Variants in MKI67 observed in about 807,000 individuals in gnomAD.
MKI67 encodes proliferation marker protein Ki-67.
MKI67 carries 152 observed loss-of-function variants against 233.5 expected under a neutral mutation model. That is an observed-to-expected ratio of 0.65 (90% CI 0.57 to 0.74). MKI67 has a LOEUF of 0.74. Ranked by LOEUF, MKI67 falls within the 30% of genes least tolerant of loss-of-function variation. The pLI is 0.00. For missense variants in MKI67, 3,940 were observed against 3,885.2 expected, an observed-to-expected ratio of 1.01 and a Z score of -0.37; for synonymous variants, 1,465 against 1,418.5, an observed-to-expected ratio of 1.03 and a Z score of -0.74.
Position 128,115,890 on chromosome 10 carries a change from T to C in MKI67, c.518A>G (p.Asp173Gly). 6.2e-7 allele frequency: 1 copy of C among 1,609,888 alleles called. No homozygotes were observed. Among genetic ancestry groups the C allele is most frequent in the Non-Finnish European group, 8.5e-7 (1 of 1,180,022 alleles). The change falls in exon 7 of 15, where the codon GAC (aspartate) becomes GGC (glycine). Residue 173 changes from aspartate (D) to glycine (G), a missense_variant. Coordinates refer to ENST00000368654, the MANE Select transcript of MKI67 (RefSeq NM_002417.5). ...KEDSTADDSKDSVAQGTTNVH... is the reference protein window; with the variant it reads ...KEDSTADDSKGSVAQGTTNVH... ...ATTAGTTGTTCCCTGAGCAACACTG[T>C]CTTTTGAGTCATCTGCGGTACTGTC...
In MKI67 at chr10:128,106,862, T is replaced by C; in HGVS notation, c.4978A>G (p.Thr1660Ala). The C allele has an allele frequency of 1.9e-6, 3 of 1,614,160 alleles. No individual in the cohort carries two copies. Among genetic ancestry groups the C allele is most frequent in the Non-Finnish European group, 2.5e-6 (3 of 1,180,006 alleles). Residue 1660 changes from threonine to alanine, a missense_variant, in exon 13 of 15, where the codon ACA becomes GCA. Transcript: ENST00000368654. ...CCTGTTGGCTCTGTGTGTGTGTGTG[T>C]AGTCTCTCCTGATGTCTGTGTGAGC... ...GKLTQTSGET[T>A]HTHTEPTGDG...
At chr10:128,113,709 A>G in intron 7 of MKI67, 107 bp from the exon 8 acceptor site, 1 of 965,118 alleles carries the variant, frequency 1.0e-6, no homozygotes, top group South Asian at 1.5e-5. Context: ...AGTCATCGAA[A>G]CACAGTACCT....
rs905895703 is a variant in MKI67, at chr10:128,108,908, C to A, written c.2932G>T (p.Asp978Tyr). The change falls in exon 13 of 15, where the codon GAC becomes TAC. Residue 978 changes from aspartate to tyrosine, a missense_variant. Asp to Tyr is a radical substitution (Grantham distance 160). Coordinates refer to ENST00000368654, the MANE Select transcript of MKI67 (RefSeq NM_002417.5). ...AGGAGATTCTGGCCACGTGCCGTGTCTTTCATGAGTTCTGTATCAGGCAAG... is the reference window on the plus strand; with the variant it reads ...AGGAGATTCTGGCCACGTGCCGTGTATTTCATGAGTTCTGTATCAGGCAAG... ...KSLPDTELMKDTARGQNLLQT... is the reference protein window; with the variant it reads ...KSLPDTELMKYTARGQNLLQT... 6.2e-7 allele frequency: 1 copy of A among 1,614,198 alleles called. No homozygotes were observed. The highest frequency in any genetic ancestry group is 8.5e-7 in the Non-Finnish European group (1 of 1,180,046).
rs1482731246 is a variant in MKI67 at position 128,103,637 on chromosome 10, CTTTTACT to C, written c.8196_8202del (p.Val2733LysfsTer32). The C allele has an allele frequency of 1.2e-6, 2 of 1,614,156 alleles. No homozygotes were observed. On this transcript the variant is annotated frameshift_variant, in exon 13 of 15. Transcript: ENST00000368654. LOFTEE classifies it high-confidence loss of function. ...GTGAACTTGACTGCTGAAGGCTCTT[CTTTTACT>C]TGTACCTTCTGCACACGTGTCCTGA...
intron 7 of MKI67, among the ~76,000 whole-genome samples, chr10:128,114,312 T>C (rs2136144318): frequency 6.6e-6 from 1 of 152,326 alleles, no homozygotes. Context: ...GTCCTACCTC[T>C]GCCACTTCCT....
At chr10:128,116,127 T>C (rs1852802478) in intron 6 of MKI67, 120 bp from the exon 7 acceptor site, 3 of 1,159,922 alleles carry the variant, frequency 2.6e-6, no homozygotes, top group South Asian at 3.2e-5. Context: ...TTACTTGGCC[T>C]ACAAATTATT....
intron 5 of MKI67, among the ~76,000 whole-genome samples, chr10:128,118,383 G>C (rs184865596): frequency 6.9e-5 from 10 of 144,280 alleles, no homozygotes; most frequent in Admixed American, 4.2e-4. Context: ...GTGACGGAGT[G>C]AGACTCCGTC....
At chr10:128,117,901 GAACA>G (rs1222197803) in intron 5 of MKI67, among the ~76,000 whole-genome samples, 1 of 152,192 alleles carries the variant, frequency 6.6e-6, no homozygotes, top group East Asian at 1.9e-4. Flanking sequence ...ACCAGTAACA[GAACA>G]AACAGTTCCT....
rs1225324359 is a variant in MKI67, at chr10:128,105,522, T to A, written c.6318A>T (p.Pro2106=). Residue 2106 remains proline, a synonymous_variant, in exon 13 of 15, where the codon CCA becomes CCT. Coordinates refer to ENST00000368654, the MANE Select transcript of MKI67 (RefSeq NM_002417.5). ...DKTTKIACKS[P]PPESMDTPTS... ...TTGGAGTGTCCATTGATTCTGGTGG[T>A]GGAGATTTGCAGGCTATTTTGGTAG... 1 of 1,614,032 alleles carries A rather than the reference T, an allele frequency of 6.2e-7. No homozygotes were observed. Among genetic ancestry groups the A allele is most frequent in the Admixed American group, 1.7e-5 (1 of 60,004 alleles).
At position 128,109,058 on chromosome 10, in the gene MKI67, G is replaced by A. The variant is rs1301902155; in HGVS notation, c.2782C>T (p.Pro928Ser). 8 of 1,613,986 alleles carry A rather than the reference G, an allele frequency of 5.0e-6. No individual in the cohort carries two copies. In the African/African-American group the frequency reaches 8.0e-5, roughly 16 times the overall value. The change falls in exon 13 of 15, where the codon CCT becomes TCT. Residue 928 changes from proline (P) to serine (S), a missense_variant. Coordinates refer to ENST00000368654, the MANE Select transcript of MKI67 (RefSeq NM_002417.5). ...REGEMKEIER[P>S]FETYKENIEL... ...ATATTTTCCTTATATGTCTCAAAAG[G>A]TCTTTCTATTTCCTTCATCTCTCCT...
At position 128,125,465 on chromosome 10, in the gene MKI67, G is replaced by T; in HGVS notation, c.92+111C>A. 1.2e-6 allele frequency: 1 copy of T among 828,724 alleles called. No homozygotes were observed. The highest frequency in any genetic ancestry group is 2.0e-6 in the Non-Finnish European group (1 of 490,636). 51.3% of individuals were successfully genotyped at this position (828,724 alleles called of 1,614,324 possible). Reference sequence around the variant, plus strand: ...AGTAACGAATGGGAGAAGCACCAAGGAAAAGTGACGGCAGGACCCAATCCT... The same window carrying T: ...AGTAACGAATGGGAGAAGCACCAAGTAAAAGTGACGGCAGGACCCAATCCT... On this transcript the variant is annotated intron_variant, in intron 2 of 14. Coordinates refer to ENST00000368654, the MANE Select transcript of MKI67 (RefSeq NM_002417.5). The surrounding 1 kb of genome is among the most constrained non-coding windows in gnomAD (Gnocchi z 5.3).
In MKI67 at chr10:128,098,069, G is replaced by A. The variant is rs1852249725; in HGVS notation, c.*1121C>T. The A allele has an allele frequency of 6.6e-6, 1 of 152,288 alleles. No homozygotes were observed. Among genetic ancestry groups the A allele is most frequent in the Admixed American group, 6.5e-5 (1 of 15,288 alleles). The allele number at this position is 152,288 out of a possible 1,614,324, so 9.4% of individuals were successfully genotyped here. A position where few individuals can be genotyped will look rare whatever the true frequency, so the allele number is the denominator to read the frequency against. On this transcript the variant is annotated 3_prime_UTR_variant, in exon 15 of 15. Coordinates refer to ENST00000368654, the MANE Select transcript of MKI67 (RefSeq NM_002417.5). ...AGGTGGGTGAATGGGGAGGAATCCAGACAGGTGACCTGGGGGATGGCGGGC... is the reference window on the plus strand; with the variant it reads ...AGGTGGGTGAATGGGGAGGAATCCAAACAGGTGACCTGGGGGATGGCGGGC...
intron 8 of MKI67, among the ~76,000 whole-genome samples, chr10:128,113,028 A>T (rs142528401): frequency 2.6e-5 from 4 of 152,332 alleles, no homozygotes; most frequent in African/African-American, 9.6e-5. Flanking sequence ...ACACCAGGTA[A>T]ATGCCTTAAC....
chr10:128,100,247 G>T (rs1852308751), intron 14 of MKI67, among the ~76,000 whole-genome samples: 1 of 151,990 alleles, frequency 6.6e-6, no homozygotes, highest in African/African-American at 2.4e-5. Context: ...TCCCTCTCTG[G>T]AACAGTCTAT....
Position 128,110,539 on chromosome 10 carries a change from A to C in MKI67, c.2261-6T>G. 1 of 1,535,722 alleles carries C rather than the reference A, an allele frequency of 6.5e-7. No individual in the cohort carries two copies. Among genetic ancestry groups the C allele is most frequent in the Non-Finnish European group, 8.9e-7 (1 of 1,125,676 alleles). On this transcript the variant is annotated splice_region_variant and splice_polypyrimidine_tract_variant and intron_variant, in intron 11 of 14. Coordinates refer to ENST00000368654, the MANE Select transcript of MKI67 (RefSeq NM_002417.5). ...CTTGAACATTTCAGCTATTCCTGTTAAATGAAAATATTTGAAAAGTGATTG... is the reference window on the plus strand; with the variant it reads ...CTTGAACATTTCAGCTATTCCTGTTCAATGAAAATATTTGAAAAGTGATTG...
rs200999567 is a variant in MKI67, at chr10:128,109,143, T to C, written c.2697A>G (p.Glu899=). ...VESKSEETNT[E]IVECILKRGQ... is the part of the protein sequence containing the mutation. ...CTCTTTTTAGGATGCACTCAACAAT[T>C]TCTGTATTTGTTTCTTCACTCTTAC... Residue 899 remains glutamate (E), a synonymous_variant, in exon 13 of 15, where the codon GAA becomes GAG. Coordinates refer to ENST00000368654, the MANE Select transcript of MKI67 (RefSeq NM_002417.5). The C allele has an allele frequency of 6.2e-7, 1 of 1,614,216 alleles. No individual in the cohort carries two copies. Among genetic ancestry groups the C allele is most frequent in the East Asian group, 2.2e-5 (1 of 44,886 alleles).
chr10:128,121,771 A>T (rs959036472), intron 4 of MKI67, among the ~76,000 whole-genome samples: 1 of 151,506 alleles, frequency 6.6e-6, no homozygotes, highest in Non-Finnish European at 1.5e-5. Context: ...CTGTATAGTT[A>T]TGTATATTAT....
Position 128,104,408 on chromosome 10 carries a change from A to C in MKI67, c.7432T>G (p.Ser2478Ala), listed in dbSNP as rs766872814. Residue 2478 changes from serine (S) to alanine (A), a missense_variant, in exon 13 of 15, where the codon TCC (serine) becomes GCC (alanine). By Grantham distance (99) the Ser-to-Ala change is moderately conservative (BLOSUM62 1). Coordinates refer to ENST00000368654, the MANE Select transcript of MKI67 (RefSeq NM_002417.5). ...QPESFKTSRSSKQRLKIPLVK... is the reference protein window; with the variant it reads ...QPESFKTSRSAKQRLKIPLVK... ...AGGGGTATCTTGAGCCTTTGCTTGG[A>C]GCTTCTTGAGGTTTTGAATGACTCT... 6.2e-7 allele frequency: 1 copy of C among 1,613,124 alleles called. No homozygotes were observed. Among genetic ancestry groups the C allele is most frequent in the African/African-American group, 1.3e-5 (1 of 74,612 alleles).
intron 12 of MKI67, 56 bp from the exon 13 acceptor site, chr10:128,109,479 G>C: frequency 6.5e-7 from 1 of 1,528,554 alleles, no homozygotes; most frequent in South Asian, 1.3e-5. Flanking sequence ...TGTCAATCGA[G>C]TATTACAGCC....
Sources: allele counts gnomAD v4.1 joint callset (sites outside exome capture counted in the v4.1 genomes callset), GRCh38; gene constraint gnomAD v4.1.1; non-coding constraint Gnocchi (gnomAD v3.1); transcripts MANE v1.5; gene names NCBI Gene and HGNC (gene_info 2026-07-23, HGNC 2026-07-21).